NOX4: variants seen among roughly 807,000 people sequenced by gnomAD.
The protein encoded by NOX4 is NADPH oxidase 4, also known as kidney oxidase-1.
Under a neutral mutation model 87.6 loss-of-function variants are expected in NOX4, and 69 were observed. The observed-to-expected ratio is 0.79, with a 90% CI of 0.65 to 0.96. The LOEUF is 0.96. Ranked by LOEUF, NOX4 falls within the 40% of genes least tolerant of loss-of-function variation. The pLI, the probability that NOX4 is intolerant of heterozygous loss-of-function variation, is 0.00. For missense variants in NOX4, 680 were observed against 681.5 expected (o/e 1.00, Z 0.02); for synonymous variants, 275 against 238.2 (o/e 1.15, Z -1.42).
At position 89,407,986 on chromosome 11, in the gene NOX4, A is replaced by ATT. The variant is rs35623871; in HGVS notation, c.630-5446_630-5445dup. ...TTTTTTCCTAATATTTTATAATATG[A>ATT]TTTTTTTTCTTTATGGTAAAAATAT... On this transcript the variant is annotated intron_variant, in intron 8 of 17. Coordinates refer to ENST00000263317, the MANE Select transcript of NOX4 (RefSeq NM_016931.5). Among the ~76,000 whole-genome samples, 7 of 151,576 alleles carry ATT rather than the reference A, an allele frequency of 4.6e-5. No individual in the cohort carries two copies. The East Asian group carries it at 5.8e-4, about 13-fold the overall frequency.
chr11:89,399,194 C>A (rs936627093), intron 11 of NOX4, among the ~76,000 whole-genome samples: 1 of 150,916 alleles, frequency 6.6e-6, no homozygotes, highest in Non-Finnish European at 1.5e-5. Context: ...TAGCTAGATG[C>A]CCTCCCATGC....
At chr11:89,537,871 A>C in the NOX4 span, among the ~76,000 whole-genome samples, 1 of 152,092 alleles carries the variant, frequency 6.6e-6, no homozygotes, top group Non-Finnish European at 1.5e-5. Context: ...TCTGTTTTTC[A>C]TCTCCAGCTC....
intron 2 of NOX4, among the ~76,000 whole-genome samples, chr11:89,470,303 C>A (rs1041202967): frequency 2.0e-5 from 3 of 152,090 alleles, no homozygotes; most frequent in Admixed American, 6.6e-5. Flanking sequence ...GCCTTTCCAG[C>A]CACAGCTTTG....
chr11:89,331,472 A>G (rs1317293314), intron 17 of NOX4, among the ~76,000 whole-genome samples: 8 of 151,856 alleles, frequency 5.3e-5, no homozygotes, highest in South Asian at 2.1e-4. Flanking sequence ...AAATAAAAAT[A>G]TATGAAAATA....
chr11:89,458,261 A>AACTCAAGATGAATGAAAGACT (rs1347848947), intron 2 of NOX4, among the ~76,000 whole-genome samples: 7 of 152,166 alleles, frequency 4.6e-5, no homozygotes. Context: ...TATAAAAATC[A>AACTCAAGATGAATGAAAGACT]ACTCAAGATG....
the NOX4 span, among the ~76,000 whole-genome samples, chr11:89,514,967 T>C: frequency 6.6e-6 from 1 of 152,038 alleles, no homozygotes; most frequent in Non-Finnish European, 1.5e-5. Context: ...CTGAGTATTA[T>C]TCCATGGAAT....
the NOX4 span, among the ~76,000 whole-genome samples, chr11:89,530,773 T>G: frequency 6.6e-6 from 1 of 152,140 alleles, no homozygotes; most frequent in African/African-American, 2.4e-5. Flanking sequence ...TGATACAAGC[T>G]GAGCTAATTG....
rs111548846 is a variant in NOX4, at chr11:89,457,053, T to C, written c.154-5158A>G. On this transcript the variant is annotated intron_variant, in intron 2 of 17. Transcript: ENST00000263317. Reference sequence around the variant, plus strand: ...TCCCAGGGGTTATCATCATAGCTCCTTCACTGGAAGACTGTGTCTGTTTGT... The same window carrying C: ...TCCCAGGGGTTATCATCATAGCTCCCTCACTGGAAGACTGTGTCTGTTTGT... Among the ~76,000 whole-genome samples the C allele has an allele frequency of 2.7e-4, 41 of 152,286 alleles. 1 individual carries two copies. Among genetic ancestry groups the C allele is most frequent in the African/African-American group, 8.2e-4 (34 of 41,554 alleles).
At chr11:89,582,290 G>A in the NOX4 span, among the ~76,000 whole-genome samples, 9 of 151,842 alleles carry the variant, frequency 5.9e-5, no homozygotes, top group Non-Finnish European at 1.2e-4. Context: ...ATCTGTTGAG[G>A]GATATTTAGG....
intron 11 of NOX4, among the ~76,000 whole-genome samples, chr11:89,384,590 T>C (rs1387501812): frequency 2.2e-4 from 33 of 152,106 alleles, no homozygotes; most frequent in Admixed American, 2.1e-3. Flanking sequence ...AACCATTATA[T>C]AAACTCACCA....
chr11:89,478,197 C>T (rs1252090925), intron 2 of NOX4, among the ~76,000 whole-genome samples: 2 of 148,488 alleles, frequency 1.3e-5, no homozygotes, highest in Non-Finnish European at 3.0e-5. Context: ...TGCCCCTGTC[C>T]CCTGACAAAA....
At chr11:89,398,637 T>C (rs1941642125) in intron 11 of NOX4, among the ~76,000 whole-genome samples, 1 of 150,858 alleles carries the variant, frequency 6.6e-6, no homozygotes, top group African/African-American at 2.4e-5. Context: ...GATGGGAACA[T>C]GTTTTACAAC....
At chr11:89,447,027 A>G (rs557352065) in intron 4 of NOX4, among the ~76,000 whole-genome samples, 1 of 152,306 alleles carries the variant, frequency 6.6e-6, no homozygotes, top group African/African-American at 2.4e-5. Context: ...TGCTGTGAAC[A>G]TAAATCTGCC....
rs1941906523 is a variant in NOX4, at chr11:89,402,310, A to C, written c.846+16T>G. The C allele has an allele frequency of 6.3e-7, 1 of 1,596,076 alleles. No individual in the cohort carries two copies. The highest frequency in any genetic ancestry group is 8.6e-7 in the Non-Finnish European group (1 of 1,164,084). The stretch of plus-strand genomic sequence containing the variant: ...GAAACAAACTTTGTGGAGATCAAAC[A>C]CAAAATTAATCTGACCTGTGGAAAA... On this transcript the variant is annotated intron_variant, in intron 9 of 17. Coordinates refer to ENST00000263317, the MANE Select transcript of NOX4 (RefSeq NM_016931.5).
the NOX4 span, among the ~76,000 whole-genome samples, chr11:89,552,695 T>C: frequency 6.6e-6 from 1 of 152,174 alleles, no homozygotes; most frequent in Non-Finnish European, 1.5e-5. Flanking sequence ...GTTCAGTCTT[T>C]GGATCAAAGT....
chr11:89,493,246 G>A (rs1247738700), upstream of NOX4, among the ~76,000 whole-genome samples: 5 of 152,088 alleles, frequency 3.3e-5, no homozygotes, highest in East Asian at 7.8e-4. Context: ...TTAGCCGGGC[G>A]TGGTGGCAGG....
chr11:89,329,249 A>C (rs188299938), intron 17 of NOX4, among the ~76,000 whole-genome samples: 44 of 151,852 alleles, frequency 2.9e-4, no homozygotes, highest in Admixed American at 2.8e-3. Flanking sequence ...TGAAATGATA[A>C]ATATACTAGA....
intron 4 of NOX4, among the ~76,000 whole-genome samples, chr11:89,444,524 T>TACACAC (rs35340897): frequency 1.4e-5 from 2 of 144,868 alleles, no homozygotes; most frequent in South Asian, 2.2e-4. Context: ...CTAACACACA[T>TACACAC]ACACACACAC....
At chr11:89,528,250 C>T in the NOX4 span, among the ~76,000 whole-genome samples, 2 of 152,112 alleles carry the variant, frequency 1.3e-5, no homozygotes, top group East Asian at 1.9e-4. Context: ...AACTACCTTG[C>T]TTTTTATTTT....
Sources: allele counts gnomAD v4.1 joint callset (sites outside exome capture counted in the v4.1 genomes callset), GRCh38; gene constraint gnomAD v4.1.1; transcripts MANE v1.5; gene names NCBI Gene and HGNC (gene_info 2026-07-23, HGNC 2026-07-21).